ACCSL: variants seen among roughly 807,000 people sequenced by gnomAD.
ACCSL encodes the protein probable inactive 1-aminocyclopropane-1-carboxylate synthase-like protein 2.
ACCSL carries 55 observed loss-of-function variants against 61.7 expected under a neutral mutation model. That is an observed-to-expected ratio of 0.89 (90% CI 0.72 to 1.12). The LOEUF (loss-of-function observed/expected upper bound fraction) is 1.12. Ranked by LOEUF, ACCSL falls within the 50% of genes most tolerant of loss-of-function variation. The pLI is 0.00. For synonymous variants in ACCSL, 258 were observed against 264.3 expected (o/e 0.98, Z 0.23); for missense variants, 632 against 698.0 (o/e 0.91, Z 1.07).
At chr11:44,037,043 G>A in the ACCSL span, among the ~76,000 whole-genome samples, 1 of 152,166 alleles carries the variant, frequency 6.6e-6, no homozygotes, top group African/African-American at 2.4e-5. Flanking sequence ...GATGGGGAGA[G>A]CTGAGGGCAG....
the ACCSL span, among the ~76,000 whole-genome samples, chr11:44,037,430 C>T: frequency 6.6e-6 from 1 of 152,242 alleles, no homozygotes; most frequent in Middle Eastern, 3.2e-3. Context: ...CACGCACGCG[C>T]GGATGGCGCA....
chr11:44,016,111 G>A, the ACCSL span, among the ~76,000 whole-genome samples: 2 of 152,104 alleles, frequency 1.3e-5, no homozygotes, highest in African/African-American at 2.4e-5. Context: ...AGACCTCCAA[G>A]CATTGATAGG....
chr11:43,994,339 C>A, the ACCSL span, among the ~76,000 whole-genome samples: 1 of 152,178 alleles, frequency 6.6e-6, no homozygotes, highest in East Asian at 1.9e-4. Context: ...GTGCAGTCTG[C>A]ATGTGCAGCT....
chr11:43,952,777 G>C, the ACCSL span, among the ~76,000 whole-genome samples: 3 of 152,180 alleles, frequency 2.0e-5, no homozygotes, highest in Non-Finnish European at 4.4e-5. Flanking sequence ...TGTCTGAGGG[G>C]TTTTGTTTGC....
At chr11:43,931,195 C>T in the ACCSL span, among the ~76,000 whole-genome samples, 4 of 152,214 alleles carry the variant, frequency 2.6e-5, no homozygotes, top group East Asian at 1.9e-4. Context: ...GTACCCCCCA[C>T]GCCCCTGTCT....
chr11:44,036,137 G>A, the ACCSL span, among the ~76,000 whole-genome samples: 2 of 152,118 alleles, frequency 1.3e-5, no homozygotes, highest in Admixed American at 6.5e-5. Context: ...ACTGGCCTTC[G>A]GCCCCCGCTG....
the ACCSL span, chr11:43,922,386 A>G: frequency 6.6e-6 from 1 of 152,316 alleles, no homozygotes; most frequent in Non-Finnish European, 1.5e-5. Context: ...TGGTCTGCTG[A>G]GCACTCCCGG....
chr11:43,973,926 C>G, the ACCSL span: 1 of 152,096 alleles, frequency 6.6e-6, no homozygotes, highest in Non-Finnish European at 1.5e-5. Context: ...TTGGAAGAGC[C>G]AACGTACTAA....
the ACCSL span, among the ~76,000 whole-genome samples, chr11:44,009,061 G>A: frequency 2.3e-4 from 35 of 152,212 alleles, no homozygotes; most frequent in Middle Eastern, 3.4e-3. Context: ...CCAGCTACCC[G>A]GGACGCTGAG....
chr11:43,967,458 C>T, the ACCSL span, among the ~76,000 whole-genome samples: 8 of 152,078 alleles, frequency 5.3e-5, no homozygotes, highest in African/African-American at 1.7e-4. Flanking sequence ...CAATTACAGG[C>T]GTGAACCACC....
the ACCSL span, among the ~76,000 whole-genome samples, chr11:44,012,805 T>C: frequency 2.0e-5 from 3 of 152,290 alleles, no homozygotes; most frequent in South Asian, 4.1e-4. Flanking sequence ...GCCTAATACA[T>C]TGTGGTCCCT....
the ACCSL span, among the ~76,000 whole-genome samples, chr11:43,961,411 T>G: frequency 6.6e-6 from 1 of 152,144 alleles, no homozygotes; most frequent in Admixed American, 6.5e-5. Context: ...ACCCTTCTTA[T>G]CGATTGATGG....
the ACCSL span, among the ~76,000 whole-genome samples, chr11:43,936,650 A>G: frequency 6.6e-6 from 1 of 152,270 alleles, no homozygotes; most frequent in Admixed American, 6.5e-5. Context: ...CCATGGCGGC[A>G]CTTAGGTTAG....
the ACCSL span, among the ~76,000 whole-genome samples, chr11:44,005,243 T>A: frequency 1.4e-3 from 211 of 152,220 alleles, no homozygotes; most frequent in Non-Finnish European, 2.3e-3. Flanking sequence ...AGGCTGATTG[T>A]CCCATTCAGC....
chr11:43,961,170 G>C, the ACCSL span, among the ~76,000 whole-genome samples: 1 of 152,026 alleles, frequency 6.6e-6, no homozygotes, highest in Non-Finnish European at 1.5e-5. Context: ...GTGGCCAGAT[G>C]TTTTCTATAG....
chr11:44,029,906 T>TG, the ACCSL span, among the ~76,000 whole-genome samples: 2,692 of 151,872 alleles, frequency 0.018, 250 homozygotes, highest in Admixed American at 0.16. Flanking sequence ...ATGAGGTTCT[T>TG]GGAAGTGACT....
At chr11:43,937,269 C>T in the ACCSL span, among the ~76,000 whole-genome samples, 1 of 152,172 alleles carries the variant, frequency 6.6e-6, no homozygotes, top group Admixed American at 6.5e-5. Context: ...GGAAGGCGGA[C>T]AGTACAGTGT....
At chr11:44,053,578 A>C (rs1286985978) in intron 8 of ACCSL, 72 bp downstream of exon 8, 9 of 1,412,598 alleles carry the variant, frequency 6.4e-6, no homozygotes, top group Admixed American at 5.1e-5. Context: ...TCAAGTAATC[A>C]AGAGCCAGAT....
the ACCSL span, among the ~76,000 whole-genome samples, chr11:43,987,870 C>T: frequency 2.0e-5 from 3 of 152,186 alleles, no homozygotes; most frequent in East Asian, 1.9e-4. Flanking sequence ...CAATAATGTG[C>T]GTTTGGCAGG....
Sources: gnomAD v4.1 joint callset for allele counts (sites outside exome capture counted in the v4.1 genomes callset) on GRCh38, gnomAD v4.1.1 for gene constraint, MANE v1.5 for transcripts, NCBI Gene and HGNC (gene_info 2026-07-23, HGNC 2026-07-21) for gene names.